RBFOX1: variants seen among roughly 807,000 people sequenced by gnomAD.
RBFOX1 encodes RNA binding fox-1 homolog 1, also known as RNA binding protein fox-1 homolog 1.
A neutral mutation model predicts 57.7 loss-of-function variants in RBFOX1; 8 were observed. The observed-to-expected ratio is 0.14, with a 90% CI of 0.08 to 0.25. The LOEUF is 0.25. RBFOX1 is among the 10% of genes least tolerant of loss of function. The pLI is 1.00. For missense variants in RBFOX1, 611 were observed against 548.5 expected, an observed-to-expected ratio of 1.11 and a Z score of -1.14; for synonymous variants, 326 against 222.4, an observed-to-expected ratio of 1.47 and a Z score of -4.15.
chr16:6,223,080 T>C (rs1297980387), intron 1 of RBFOX1, among the ~76,000 whole-genome samples: 3 of 149,144 alleles, frequency 2.0e-5, no homozygotes, highest in East Asian at 4.0e-4. Context: ...TGTGCCACAT[T>C]TTCTTAATCC....
chr16:5,419,766 C>A (rs898467470), intron 1 of RBFOX1, among the ~76,000 whole-genome samples: 1 of 151,926 alleles, frequency 6.6e-6, no homozygotes, highest in South Asian at 2.1e-4. Flanking sequence ...TGGCTGCCAG[C>A]AGAAGGAGAA....
At chr16:7,062,002 A>T (rs7191854) in intron 4 of RBFOX1, among the ~76,000 whole-genome samples, 1 of 151,810 alleles carries the variant, frequency 6.6e-6, no homozygotes, top group Non-Finnish European at 1.5e-5. Context: ...TGATGCAGAC[A>T]AACCTGAGAT....
chr16:7,018,940 G>C (rs1010078322), intron 3 of RBFOX1, among the ~76,000 whole-genome samples: 1 of 152,086 alleles, frequency 6.6e-6, no homozygotes, highest in Admixed American at 6.6e-5. Flanking sequence ...GCAACACAGT[G>C]AGACCTCGTC....
At chr16:6,554,505 T>C (rs1229785573) in intron 2 of RBFOX1, among the ~76,000 whole-genome samples, 1 of 152,202 alleles carries the variant, frequency 6.6e-6, no homozygotes, top group Non-Finnish European at 1.5e-5. Context: ...TACTGAATCG[T>C]GTACCCTGAA....
intron 3 of RBFOX1, among the ~76,000 whole-genome samples, chr16:6,713,975 T>C (rs2064245994): frequency 6.6e-6 from 1 of 152,206 alleles, no homozygotes; most frequent in African/African-American, 2.4e-5. Flanking sequence ...GTTGATACGG[T>C]TAGGCTTTGT....
intron 2 of RBFOX1, among the ~76,000 whole-genome samples, chr16:6,560,909 C>A (rs936531071): frequency 6.6e-6 from 1 of 152,106 alleles, no homozygotes; most frequent in African/African-American, 2.4e-5. Flanking sequence ...TGAATGCAGG[C>A]CACATCAAGA....
intron 4 of RBFOX1, among the ~76,000 whole-genome samples, chr16:7,222,031 C>T (rs762021875): frequency 1.3e-5 from 2 of 152,192 alleles, no homozygotes; most frequent in Non-Finnish European, 2.9e-5. Flanking sequence ...CTGTCAGTCA[C>T]TTAAAATTTT....
intron 2 of RBFOX1, among the ~76,000 whole-genome samples, chr16:6,399,758 C>G (rs780043720): frequency 1.3e-5 from 2 of 152,142 alleles, no homozygotes; most frequent in Non-Finnish European, 2.9e-5. Context: ...ATACCTGAGA[C>G]TCGGTGATTT....
intron 2 of RBFOX1, among the ~76,000 whole-genome samples, chr16:6,339,825 C>G (rs1478844791): frequency 6.6e-6 from 1 of 151,854 alleles, no homozygotes; most frequent in Admixed American, 6.6e-5. Context: ...TGCCTGCCAC[C>G]ATGCCCAGCT....
chr16:5,767,710 C>A (rs1014863967), intron 3 of RBFOX1, among the ~76,000 whole-genome samples: 3 of 152,096 alleles, frequency 2.0e-5, no homozygotes, highest in African/African-American at 4.8e-5. Context: ...ATAAATGAAG[C>A]TTTGTTGACA....
chr16:6,356,956 A>C (rs1426288371), intron 2 of RBFOX1, among the ~76,000 whole-genome samples: 2 of 152,286 alleles, frequency 1.3e-5, no homozygotes, highest in East Asian at 3.9e-4. Context: ...AGCCACAGGC[A>C]ATCACTCCTC....
At chr16:6,871,651 A>G (rs1389854746) in intron 3 of RBFOX1, among the ~76,000 whole-genome samples, 8 of 150,930 alleles carry the variant, frequency 5.3e-5, no homozygotes, top group African/African-American at 1.5e-4. Flanking sequence ...AGTGCTGTCA[A>G]CACTTCTAAA....
At chr16:7,706,443 G>A (rs3785189) in intron 14 of RBFOX1, among the ~76,000 whole-genome samples, 30,273 of 152,086 alleles carry the variant, frequency 0.2, 3,279 homozygotes, top group South Asian at 0.29. Flanking sequence ...TATGCCCAGC[G>A]TTATAGAATT....
chr16:5,742,274 TCCTC>T (rs1420072474), intron 3 of RBFOX1, among the ~76,000 whole-genome samples: 2 of 139,164 alleles, frequency 1.4e-5, no homozygotes, highest in Non-Finnish European at 3.1e-5. Context: ...TTTCCTTTCT[TCCTC>T]CCTCCCTCCC....
intron 3 of RBFOX1, among the ~76,000 whole-genome samples, chr16:5,726,922 G>C (rs2052173421): frequency 6.6e-6 from 1 of 152,084 alleles, no homozygotes; most frequent in South Asian, 2.1e-4. Flanking sequence ...ACTTTCCTGA[G>C]GCCATATGGG....
At chr16:6,071,760 C>T (rs1000009380) in intron 1 of RBFOX1, among the ~76,000 whole-genome samples, 2 of 152,192 alleles carry the variant, frequency 1.3e-5, no homozygotes, top group Non-Finnish European at 2.9e-5. Flanking sequence ...CCCGTGGCTC[C>T]TGGTTACCAC....
chr16:6,418,949 A>G (rs2093700822), intron 2 of RBFOX1, among the ~76,000 whole-genome samples: 1 of 152,170 alleles, frequency 6.6e-6, no homozygotes, highest in Non-Finnish European at 1.5e-5. Flanking sequence ...AGCAGAAGGA[A>G]AGTGATTTTG....
intron 2 of RBFOX1, among the ~76,000 whole-genome samples, chr16:5,489,155 G>A (rs536079866): frequency 6.6e-6 from 1 of 152,334 alleles, no homozygotes; most frequent in African/African-American, 2.4e-5. Flanking sequence ...CAGAGGGAAG[G>A]TTGGGGTATT....
intron 4 of RBFOX1, among the ~76,000 whole-genome samples, chr16:7,166,913 G>A (rs1318370056): frequency 7.4e-5 from 10 of 135,484 alleles, no homozygotes; most frequent in African/African-American, 2.8e-4. Flanking sequence ...TCTCATTTGA[G>A]TTTTTCTTTC....
Sources: allele counts gnomAD v4.1 joint callset (sites outside exome capture counted in the v4.1 genomes callset), GRCh38; gene constraint gnomAD v4.1.1; transcripts MANE v1.5; gene names NCBI Gene and HGNC (gene_info 2026-07-23, HGNC 2026-07-21).